VWA8: variants seen among roughly 807,000 people sequenced by gnomAD.
VWA8 encodes the protein von Willebrand factor A domain containing 8, also known as von Willebrand factor A domain-containing protein 8.
VWA8 carries 221 observed loss-of-function variants against 241.5 expected under a neutral mutation model. That is an observed-to-expected ratio of 0.91 (90% CI 0.82 to 1.02). VWA8 has a LOEUF of 1.02. Ranked by LOEUF, VWA8 falls within the 50% of genes least tolerant of loss-of-function variation. VWA8 has a pLI of 0.00. For synonymous variants in VWA8, 852 were observed against 827.1 expected (o/e 1.03, Z -0.52); for missense variants, 2,322 against 2,328.7 (o/e 1.00, Z 0.06).
intron 12 of VWA8, among the ~76,000 whole-genome samples, chr13:41,864,156 A>T (rs73185321): frequency 6.6e-6 from 1 of 151,398 alleles, no homozygotes; most frequent in African/African-American, 2.4e-5. Context: ...AAAAAAAAAA[A>T]AAAGAAAGAA....
Position 41,691,782 on chromosome 13 carries a change from T to A in VWA8, c.3740+92A>T. ...TTAAAACATTCATAATTTGGTTACATTCACTTTATAGTAAACAAGTATAAT... is the reference window on the plus strand; with the variant it reads ...TTAAAACATTCATAATTTGGTTACAATCACTTTATAGTAAACAAGTATAAT... On this transcript the variant is annotated intron_variant, in intron 31 of 44. Coordinates refer to ENST00000379310, the MANE Select transcript of VWA8 (RefSeq NM_015058.2). The A allele has an allele frequency of 1.9e-6, 2 of 1,041,080 alleles. 1 individual carries two copies. Among genetic ancestry groups the A allele is most frequent in the Non-Finnish European group, 2.9e-6 (2 of 695,228 alleles). The allele number at this position is 1,041,080 out of a possible 1,614,324, so 64.5% of individuals were successfully genotyped here. A position where few individuals can be genotyped will look rare whatever the true frequency, so the allele number is the denominator to read the frequency against.
At chr13:41,768,039 C>T (rs958762354) in intron 20 of VWA8, among the ~76,000 whole-genome samples, 2 of 152,240 alleles carry the variant, frequency 1.3e-5, no homozygotes, top group African/African-American at 2.4e-5. Flanking sequence ...CAGGCAACTT[C>T]ATTAACTAAG....
intron 17 of VWA8, among the ~76,000 whole-genome samples, chr13:41,789,162 T>C (rs1869339754): frequency 2.6e-5 from 4 of 152,124 alleles, no homozygotes; most frequent in Admixed American, 1.3e-4. Flanking sequence ...ATGAGGAAAA[T>C]GGAACATATC....
chr13:41,756,256 C>A (rs1312684977), intron 21 of VWA8, among the ~76,000 whole-genome samples: 1 of 151,668 alleles, frequency 6.6e-6, no homozygotes, highest in Non-Finnish European at 1.5e-5. Context: ...GAATCCATGA[C>A]TAAAAAGCCT....
chr13:41,654,323 C>T (rs1353455744), intron 37 of VWA8, among the ~76,000 whole-genome samples: 1 of 152,146 alleles, frequency 6.6e-6, no homozygotes, highest in Non-Finnish European at 1.5e-5. Context: ...AGACATCACC[C>T]TAACCAAATG....
In VWA8 at chr13:41,589,309, TA is replaced by T. The variant is rs553626704; in HGVS notation, c.5112+1330del. 7.9e-5 allele frequency among the ~76,000 whole-genome samples: 12 copies of T among 152,382 alleles called. No individual in the cohort carries two copies. In the South Asian group the frequency reaches 2.5e-3, roughly 32 times the overall value. ...TTAAGGGAGACGTTCTTATTTTCTA[TA>T]TTTTTTTTCAGTTATATGATGGACA... On this transcript the variant is annotated intron_variant, in intron 41 of 44. Transcript: ENST00000379310.
intron 40 of VWA8, among the ~76,000 whole-genome samples, chr13:41,599,479 C>T (rs978801455): frequency 3.9e-5 from 6 of 152,078 alleles, no homozygotes; most frequent in Non-Finnish European, 8.8e-5. Flanking sequence ...ATCTTAAATG[C>T]TTGTTATTCC....
intron 17 of VWA8, among the ~76,000 whole-genome samples, chr13:41,798,124 C>T (rs1869786658): frequency 6.6e-6 from 1 of 152,132 alleles, no homozygotes; most frequent in African/African-American, 2.4e-5. Flanking sequence ...TCTTAAACAA[C>T]AGAACCTAAG....
At chr13:41,640,832 A>G (rs1348584636) in intron 37 of VWA8, among the ~76,000 whole-genome samples, 1 of 152,210 alleles carries the variant, frequency 6.6e-6, no homozygotes, top group Admixed American at 6.5e-5. Flanking sequence ...AAGTCAATCC[A>G]GTTGTTCATC....
intron 20 of VWA8, among the ~76,000 whole-genome samples, chr13:41,763,394 G>T (rs1306794743): frequency 1.3e-5 from 2 of 152,140 alleles, no homozygotes; most frequent in Non-Finnish European, 2.9e-5. Flanking sequence ...GCCTACAAAA[G>T]ATTTAAGGTT....
At position 41,898,396 on chromosome 13, in the gene VWA8, G is replaced by C. The variant is rs1018418658; in HGVS notation, c.484-6809C>G. Among the ~76,000 whole-genome samples the C allele has an allele frequency of 5.3e-5, 8 of 152,144 alleles. No individual in the cohort carries two copies. In the East Asian group the frequency reaches 5.8e-4, roughly 11 times the overall value. ...CCAGAGCAGCTAGATACAGAGTGTC[G>C]ATTGGTGCACTCACAAACCCTGAGC... is the stretch of plus-strand genomic sequence containing the variant. On this transcript the variant is annotated intron_variant, in intron 4 of 44. Transcript: ENST00000379310.
At chr13:41,865,867 A>G (rs1388753394) in intron 11 of VWA8, 35 bp downstream of exon 11, 1 of 1,614,172 alleles carries the variant, frequency 6.2e-7, no homozygotes, top group South Asian at 1.1e-5. Flanking sequence ...AAAAGCCAGG[A>G]AACTAAAAGT....
chr13:41,879,713 T>A (rs542775741), intron 9 of VWA8, among the ~76,000 whole-genome samples: 9 of 152,044 alleles, frequency 5.9e-5, no homozygotes, highest in Non-Finnish European at 1.2e-4. Context: ...AATGTTCCAC[T>A]CTTCTAAGGT....
At chr13:41,600,211 G>A (rs964382438) in intron 40 of VWA8, among the ~76,000 whole-genome samples, 21 of 152,068 alleles carry the variant, frequency 1.4e-4, no homozygotes, top group African/African-American at 5.1e-4. Context: ...TTCTCCTGAC[G>A]TGGGGTTTTC....
At chr13:41,691,622 G>A (rs924810214) in intron 31 of VWA8, among the ~76,000 whole-genome samples, 177 bp from the exon 32 acceptor site, 6 of 152,024 alleles carry the variant, frequency 3.9e-5, no homozygotes, top group Non-Finnish European at 5.9e-5. Context: ...AACTATGTCA[G>A]GGTGTGTATA....
chr13:41,960,952 T>G lies in VWA8; in HGVS notation c.64A>C (p.Met22Leu). Residue 22 changes from methionine to leucine, a missense_variant, in exon 1 of 45, where the codon ATG becomes CTG. Physicochemically the swap from Met to Leu is conservative, Grantham distance 15. Transcript: ENST00000379310. ...ACCACCTGCCGCAGGAGCAGCCGCA[T>G]GCGCCGCGAGGCCGGGCCGCCGTGG... ...GGHGGPASRR[M>L]RLLLRQVVQR... is the part of the protein sequence containing the mutation. The G allele has an allele frequency of 6.8e-7, 1 of 1,467,292 alleles. No homozygotes were observed. Among genetic ancestry groups the G allele is most frequent in the South Asian group, 1.3e-5 (1 of 75,814 alleles). The allele number at this position is 1,467,292 out of a possible 1,614,324, so 90.9% of individuals were successfully genotyped here.
chr13:41,905,833 T>A (rs561640547), intron 4 of VWA8, among the ~76,000 whole-genome samples: 1 of 152,206 alleles, frequency 6.6e-6, no homozygotes, highest in South Asian at 2.1e-4. Flanking sequence ...TTGAATCACA[T>A]CAGCATTCAC....
intron 5 of VWA8, among the ~76,000 whole-genome samples, chr13:41,888,590 A>C (rs553662640): frequency 1.6e-4 from 24 of 152,346 alleles, no homozygotes; most frequent in African/African-American, 4.3e-4. Flanking sequence ...GTCAAAGCTC[A>C]GCACAAAAAA....
intron 21 of VWA8, among the ~76,000 whole-genome samples, chr13:41,741,807 C>T (rs2045571465): frequency 6.6e-6 from 1 of 152,152 alleles, no homozygotes; most frequent in Non-Finnish European, 1.5e-5. Flanking sequence ...GCTCACATGA[C>T]ACACAGGGAG....
Sources: gnomAD v4.1 joint callset for allele counts (sites outside exome capture counted in the v4.1 genomes callset) on GRCh38, gnomAD v4.1.1 for gene constraint, MANE v1.5 for transcripts, NCBI Gene and HGNC (gene_info 2026-07-23, HGNC 2026-07-21) for gene names.